Variants in PPARGC1A observed in about 807,000 individuals in gnomAD.
The protein encoded by PPARGC1A is peroxisome proliferator-activated receptor gamma coactivator 1-alpha.
Under a neutral mutation model 88.7 loss-of-function variants are expected in PPARGC1A, and 25 were observed. The ratio of observed to expected loss-of-function variants is 0.28; its 90% confidence interval spans 0.21 to 0.39. The LOEUF is 0.39. Among genes scored for constraint, PPARGC1A ranks in the 10% least tolerant of loss-of-function variants. The pLI, the probability that PPARGC1A is intolerant of heterozygous loss-of-function variation, is 1.00. For synonymous variants in PPARGC1A, 363 were observed against 355.6 expected, an observed-to-expected ratio of 1.02 and a Z score of -0.24; for missense variants, 880 against 968.7, an observed-to-expected ratio of 0.91 and a Z score of 1.22.
At chr4:24,436,955 C>T in the PPARGC1A span, among the ~76,000 whole-genome samples, 1 of 151,456 alleles carries the variant, frequency 6.6e-6, no homozygotes, top group Non-Finnish European at 1.5e-5. Flanking sequence ...CCAGGAGTGT[C>T]TGGCGGGCTG....
intron 4 of PPARGC1A, among the ~76,000 whole-genome samples, chr4:23,828,894 G>A (rs1472193456): frequency 6.6e-6 from 1 of 151,978 alleles, no homozygotes; most frequent in Non-Finnish European, 1.5e-5. Flanking sequence ...AAAAAAAATC[G>A]GCTGGCTTAA....
At chr4:24,035,311 G>A in the PPARGC1A span, among the ~76,000 whole-genome samples, 13 of 151,972 alleles carry the variant, frequency 8.6e-5, no homozygotes, top group Admixed American at 3.9e-4. Flanking sequence ...AGGCTGGGGC[G>A]GGCAGATCCC....
chr4:24,019,025 A>G, the PPARGC1A span, among the ~76,000 whole-genome samples: 2 of 152,202 alleles, frequency 1.3e-5, no homozygotes, highest in Admixed American at 1.3e-4. Flanking sequence ...ATAGAATGAT[A>G]CTATTTTGCA....
chr4:23,864,911 C>G (rs895535424), intron 2 of PPARGC1A, among the ~76,000 whole-genome samples: 1 of 152,202 alleles, frequency 6.6e-6, no homozygotes, highest in African/African-American at 2.4e-5. Flanking sequence ...TGGCCAGGCA[C>G]GGTTGCTCAC....
At chr4:24,108,217 G>A in the PPARGC1A span, among the ~76,000 whole-genome samples, 1 of 152,122 alleles carries the variant, frequency 6.6e-6, no homozygotes, top group South Asian at 2.1e-4. Flanking sequence ...AGAAGAGAGG[G>A]TTGAGGTCTC....
At chr4:24,423,565 A>G in the PPARGC1A span, among the ~76,000 whole-genome samples, 1 of 152,228 alleles carries the variant, frequency 6.6e-6, no homozygotes, top group Non-Finnish European at 1.5e-5. Context: ...GGGGTGTCCC[A>G]TGACCTCTAG....
chr4:24,379,919 C>G, the PPARGC1A span, among the ~76,000 whole-genome samples: 1 of 151,802 alleles, frequency 6.6e-6, no homozygotes, highest in Non-Finnish European at 1.5e-5. Flanking sequence ...GCTGGGATTA[C>G]AGACGCGCCC....
the PPARGC1A span, among the ~76,000 whole-genome samples, chr4:24,396,511 C>T: frequency 6.6e-6 from 1 of 152,140 alleles, no homozygotes; most frequent in African/African-American, 2.4e-5. Context: ...TCACAAAATG[C>T]TCACAACTGA....
chr4:23,957,955 C>T, the PPARGC1A span, among the ~76,000 whole-genome samples: 4 of 152,086 alleles, frequency 2.6e-5, no homozygotes, highest in Admixed American at 6.6e-5. Context: ...CCATTTGGGG[C>T]CTGAAAATTG....
At chr4:24,124,365 C>T in the PPARGC1A span, among the ~76,000 whole-genome samples, 1 of 152,328 alleles carries the variant, frequency 6.6e-6, no homozygotes, top group East Asian at 1.9e-4. Context: ...TAAATACCTA[C>T]TTGCCAGTTA....
At chr4:24,001,060 C>T in the PPARGC1A span, among the ~76,000 whole-genome samples, 1 of 152,096 alleles carries the variant, frequency 6.6e-6, no homozygotes, top group Non-Finnish European at 1.5e-5. Flanking sequence ...CCCTTCAATA[C>T]TTTAAAAAAT....
chr4:24,413,213 G>C, the PPARGC1A span, among the ~76,000 whole-genome samples: 7 of 150,500 alleles, frequency 4.7e-5, no homozygotes, highest in Non-Finnish European at 8.8e-5. Flanking sequence ...CCCTTCAAGG[G>C]AGCTAAGCAG....
intron 12 of PPARGC1A, among the ~76,000 whole-genome samples, chr4:23,799,224 G>GA (rs1262100143): frequency 6.6e-6 from 1 of 152,078 alleles, no homozygotes; most frequent in Non-Finnish European, 1.5e-5. Context: ...CAAGACACAG[G>GA]AAAAATGTTT....
the PPARGC1A span, among the ~76,000 whole-genome samples, chr4:24,151,824 T>A: frequency 1.3e-5 from 2 of 152,194 alleles, no homozygotes; most frequent in South Asian, 4.2e-4. Flanking sequence ...CCCAAATAGG[T>A]CTATGCCTCT....
At chr4:24,104,724 G>C in the PPARGC1A span, among the ~76,000 whole-genome samples, 2 of 152,164 alleles carry the variant, frequency 1.3e-5, no homozygotes, top group East Asian at 1.9e-4. Flanking sequence ...CCTGTGACGA[G>C]ATGTGGAAGA....
At chr4:23,986,640 T>C in the PPARGC1A span, among the ~76,000 whole-genome samples, 2 of 152,098 alleles carry the variant, frequency 1.3e-5, no homozygotes, top group African/African-American at 4.8e-5. Context: ...CGATAACAGT[T>C]GGTAGCAGCC....
chr4:24,418,334 G>T, the PPARGC1A span, among the ~76,000 whole-genome samples: 1 of 152,248 alleles, frequency 6.6e-6, no homozygotes, highest in Non-Finnish European at 1.5e-5. Flanking sequence ...GCTACATCAA[G>T]CGTTAACTAG....
chr4:23,877,150 C>T (rs539986694), intron 2 of PPARGC1A, among the ~76,000 whole-genome samples: 2 of 152,072 alleles, frequency 1.3e-5, no homozygotes, highest in East Asian at 3.9e-4. Flanking sequence ...CTTTTCCCTG[C>T]TCTCATTCTA....
rs770749017 is a variant in PPARGC1A at position 23,795,637 on chromosome 4, A to G, written c.*185T>C. On this transcript the variant is annotated 3_prime_UTR_variant, in exon 13 of 13. Coordinates refer to ENST00000264867, the MANE Select transcript of PPARGC1A (RefSeq NM_013261.5). ...TCTTGCCTCTTCAGCAGCTGTGTTCATGTAAACCATTGTTGTTATTGTTGT... is the reference window on the plus strand; with the variant it reads ...TCTTGCCTCTTCAGCAGCTGTGTTCGTGTAAACCATTGTTGTTATTGTTGT... The G allele has an allele frequency of 7.3e-6, 4 of 546,178 alleles. No homozygotes were observed. Among genetic ancestry groups the G allele is most frequent in the Non-Finnish European group, 1.3e-5 (4 of 310,760 alleles). The allele number at this position is 546,178 out of a possible 1,614,324, so 33.8% of individuals were successfully genotyped here. A position where few individuals can be genotyped will look rare whatever the true frequency, so the allele number is the denominator to read the frequency against.
Sources: allele counts gnomAD v4.1 joint callset (sites outside exome capture counted in the v4.1 genomes callset), GRCh38; gene constraint gnomAD v4.1.1; transcripts MANE v1.5; gene names NCBI Gene and HGNC (gene_info 2026-07-23, HGNC 2026-07-21).